The following BCAS3 variants were observed in gnomAD, a reference collection of about 807,000 sequenced individuals.
BCAS3 encodes BCAS4/BCAS3 fusion.
Under a neutral mutation model 116.1 loss-of-function variants are expected in BCAS3, and 53 were observed. The ratio of observed to expected loss-of-function variants is 0.46; its 90% CI spans 0.37 to 0.57. The LOEUF (loss-of-function observed/expected upper bound fraction) is 0.57, where lower values mean the gene tolerates loss of function less well. Ranked by LOEUF, BCAS3 falls within the 20% of genes least tolerant of loss-of-function variation. The probability of loss-of-function intolerance (pLI) is 0.00; values close to 1 mark genes in which losing one functional copy is unlikely to be tolerated. For synonymous variants in BCAS3, 391 were observed against 408.2 expected (o/e 0.96, Z 0.51); for missense variants, 917 against 1,165.4 (o/e 0.79, Z 3.10).
rs887565376 is a variant in BCAS3, at chr17:61,214,645, C to T, written c.2425+130081C>T. Among the ~76,000 whole-genome samples the T allele has an allele frequency of 1.1e-3, 169 of 151,892 alleles. 1 individual carries two copies. The highest frequency in any genetic ancestry group is 3.7e-3 in the African/African-American group (155 of 41,444). On this transcript the variant is annotated intron_variant, in intron 22 of 23. Coordinates refer to ENST00000407086, the MANE Select transcript of BCAS3 (RefSeq NM_017679.5). The surrounding 1 kb of genome is among the most constrained non-coding windows in gnomAD (Gnocchi z 4.4). ...GGCGGAGCTTGCAGTGAGCCGAGAT[C>T]GCGCCACTGCACTCCAGCCTGGGCG...
chr17:60,753,946 T>C (rs2042743813), intron 6 of BCAS3, among the ~76,000 whole-genome samples: 1 of 152,248 alleles, frequency 6.6e-6, no homozygotes. Flanking sequence ...ATAATGAATT[T>C]ATTCAATATT....
chr17:61,288,274 C>A (rs549971743), intron 22 of BCAS3, among the ~76,000 whole-genome samples: 1 of 152,318 alleles, frequency 6.6e-6, no homozygotes, highest in African/African-American at 2.4e-5. Context: ...GTGACCTTGA[C>A]TTGTCATCTG....
At chr17:60,805,515 G>A (rs768661391) in intron 6 of BCAS3, among the ~76,000 whole-genome samples, 2 of 152,136 alleles carry the variant, frequency 1.3e-5, no homozygotes, top group African/African-American at 2.4e-5. Context: ...ATGTGTGTCC[G>A]AACAGGGAAA....
chr17:60,820,086 T>TC (rs1344537312), intron 7 of BCAS3, among the ~76,000 whole-genome samples: 1 of 149,884 alleles, frequency 6.7e-6, no homozygotes. Flanking sequence ...TTTTTTTTTT[T>TC]CTGAGGCAGA....
At chr17:60,881,195 C>T (rs534552276) in intron 9 of BCAS3, among the ~76,000 whole-genome samples, 69 of 152,084 alleles carry the variant, frequency 4.5e-4, no homozygotes, top group African/African-American at 1.6e-3. Flanking sequence ...AGGATGGTCT[C>T]GATCTCCTGA....
At chr17:60,973,932 G>A (rs190994478) in intron 14 of BCAS3, among the ~76,000 whole-genome samples, 1 of 152,224 alleles carries the variant, frequency 6.6e-6, no homozygotes, top group Non-Finnish European at 1.5e-5. Context: ...TTGATATGGG[G>A]TTGGAGGGAA....
At position 61,235,886 on chromosome 17, in the gene BCAS3, C is replaced by T. The variant is rs1737636837; in HGVS notation, c.2426-132441C>T. Among the ~76,000 whole-genome samples, 1 of 152,188 alleles carries T rather than the reference C, an allele frequency of 6.6e-6. No homozygotes were observed. Among genetic ancestry groups the T allele is most frequent in the Admixed American group, 6.5e-5 (1 of 15,278 alleles). ...CTACTGGGAGCCACAGGGTAATCAG[C>T]TCACATGACATACCCAGAGGCGAAT... On this transcript the variant is annotated intron_variant, in intron 22 of 23. Transcript: ENST00000407086. The surrounding 1 kb of genome is among the most constrained non-coding windows in gnomAD (Gnocchi z 5.0).
chr17:60,821,212 G>T (rs750703336), intron 7 of BCAS3, among the ~76,000 whole-genome samples: 1 of 152,164 alleles, frequency 6.6e-6, no homozygotes, highest in Non-Finnish European at 1.5e-5. Flanking sequence ...CTTCTAAAGC[G>T]CTGGGATTAC....
At chr17:60,781,492 G>A (rs889733425) in intron 6 of BCAS3, among the ~76,000 whole-genome samples, 9 of 152,038 alleles carry the variant, frequency 5.9e-5, no homozygotes, top group South Asian at 2.1e-4. Context: ...TCTATTACTC[G>A]GGAGGCTGAG....
intron 9 of BCAS3, among the ~76,000 whole-genome samples, chr17:60,876,882 A>G (rs2055659476): frequency 6.6e-6 from 1 of 152,112 alleles, no homozygotes; most frequent in Non-Finnish European, 1.5e-5. Flanking sequence ...TGTGTCTATC[A>G]TGTCCTTGCC....
intron 5 of BCAS3, among the ~76,000 whole-genome samples, chr17:60,714,183 G>T (rs905370094): frequency 3.9e-5 from 6 of 152,084 alleles, no homozygotes; most frequent in Admixed American, 3.3e-4. Context: ...GCCCAGATTG[G>T]TCTTGAACTC....
intron 22 of BCAS3, among the ~76,000 whole-genome samples, chr17:61,173,507 GAC>G (rs2078974702): frequency 6.6e-6 from 1 of 151,584 alleles, no homozygotes; most frequent in African/African-American, 2.4e-5. Context: ...AAATTTGTGA[GAC>G]ACGCTAAAAC....
At chr17:61,157,756 G>C (rs895640429) in intron 22 of BCAS3, among the ~76,000 whole-genome samples, 1 of 152,172 alleles carries the variant, frequency 6.6e-6, no homozygotes, top group East Asian at 1.9e-4. Context: ...CTATTGAATG[G>C]AAAGTATTAT....
At chr17:61,072,588 G>C (rs2071540257) in intron 19 of BCAS3, among the ~76,000 whole-genome samples, 1 of 151,158 alleles carries the variant, frequency 6.6e-6, no homozygotes, top group African/African-American at 2.4e-5. Context: ...ATTCACATTA[G>C]GTACTAGCTA....
chr17:61,176,138 C>CAAAAAAAAAA (rs534042215), intron 22 of BCAS3, among the ~76,000 whole-genome samples: 9 of 50,024 alleles, frequency 1.8e-4, no homozygotes, highest in African/African-American at 4.6e-4. Context: ...GACCCTATCT[C>CAAAAAAAAAA]AAAAAAAAAA....
chr17:61,146,187 A>C (rs551737782), intron 22 of BCAS3, among the ~76,000 whole-genome samples: 8 of 149,508 alleles, frequency 5.4e-5, no homozygotes, highest in Non-Finnish European at 1.2e-4. Context: ...GCTCACTGCA[A>C]CCTCCACCTC....
At chr17:60,831,322 G>A (rs1292487273) in intron 7 of BCAS3, among the ~76,000 whole-genome samples, 12 of 151,770 alleles carry the variant, frequency 7.9e-5, no homozygotes, top group Admixed American at 3.3e-4. Context: ...GACTACAGGC[G>A]CGTGCCACCA....
In BCAS3 at chr17:61,008,159, C is replaced by G. The variant is rs766265989; in HGVS notation, c.1487-7592C>G. Reference sequence around the variant, plus strand: ...AGTTTGGTATGTGGGTCAGAAGGCACTGTTTCTCACCAGGGTGCTGCTGTT... The same window carrying G: ...AGTTTGGTATGTGGGTCAGAAGGCAGTGTTTCTCACCAGGGTGCTGCTGTT... On this transcript the variant is annotated intron_variant, in intron 15 of 23. Transcript: ENST00000407086. This position sits in a 1 kb window ranked among gnomAD's most constrained non-coding sequence, Gnocchi z 4.6. Among the ~76,000 whole-genome samples the G allele has an allele frequency of 3.9e-5, 6 of 152,066 alleles. No homozygotes were observed. Among genetic ancestry groups the G allele is most frequent in the Non-Finnish European group, 7.4e-5 (5 of 67,990 alleles).
chr17:61,099,652 T>G (rs1207828476), intron 22 of BCAS3, among the ~76,000 whole-genome samples: 1 of 152,248 alleles, frequency 6.6e-6, no homozygotes, highest in African/African-American at 2.4e-5. Flanking sequence ...TTCGTTCTAT[T>G]AGGCTTAGCA....
Sources: gnomAD v4.1 joint callset for allele counts (sites outside exome capture counted in the v4.1 genomes callset) on GRCh38, gnomAD v4.1.1 for gene constraint, Gnocchi (gnomAD v3.1) non-coding constraint, MANE v1.5 for transcripts, NCBI Gene and HGNC (gene_info 2026-07-23, HGNC 2026-07-21) for gene names.